ADH5: variants seen among roughly 807,000 people sequenced by gnomAD.
The protein encoded by ADH5 is alcohol dehydrogenase 5 (class III), chi polypeptide.
In ADH5, 32 loss-of-function variants were observed where a neutral mutation model predicts 40.3. That is an observed-to-expected ratio of 0.79 (90% CI 0.60 to 1.07). ADH5 has a LOEUF of 1.07. ADH5 is among the 50% of genes least tolerant of loss of function. The probability of loss-of-function intolerance (pLI) is 0.00; values close to 1 mark genes in which losing one functional copy is unlikely to be tolerated. For missense variants in ADH5, 353 were observed against 460.5 expected (o/e 0.77, Z 2.14); for synonymous variants, 125 against 154.3 (o/e 0.81, Z 1.41).
At chr4:99,083,415 C>A (rs1728065808) in intron 2 of ADH5, among the ~76,000 whole-genome samples, 1 of 151,748 alleles carries the variant, frequency 6.6e-6, no homozygotes, top group South Asian at 2.1e-4. Flanking sequence ...GCCTGGCCAA[C>A]AGGGTGAAAC....
At position 99,076,926 on chromosome 4, in the gene ADH5, A is replaced by G. The variant is rs1489412301; in HGVS notation, c.345-3T>C. 8 of 1,594,978 alleles carry G rather than the reference A, an allele frequency of 5.0e-6. No individual in the cohort carries two copies. Among genetic ancestry groups the G allele is most frequent in the Non-Finnish European group, 6.8e-6 (8 of 1,172,296 alleles). On this transcript the variant is annotated splice_polypyrimidine_tract_variant and splice_region_variant and intron_variant, in intron 4 of 8. Transcript: ENST00000296412. The stretch of plus-strand genomic sequence containing the variant: ...TTAATCCTTTCCCTTGAGTGACTCT[A>G]AAGAAAAAAAAAGGAAAAAGGCAAG...
In ADH5 at chr4:99,085,068, A is replaced by C. The variant is rs1202955573; in HGVS notation, c.114+47T>G. 3.1e-6 allele frequency: 3 copies of C among 972,894 alleles called. No individual in the cohort carries two copies. The South Asian group carries it at 6.8e-5, about 22-fold the overall frequency. 60.3% of individuals were successfully genotyped at this position (972,894 alleles called of 1,614,324 possible). Reference sequence around the variant, plus strand: ...CTCAGATCTACTCATCTATCCAGAGACCTCATTGTGTCTCTTTTTTTCCCA... The same window carrying C: ...CTCAGATCTACTCATCTATCCAGAGCCCTCATTGTGTCTCTTTTTTTCCCA... On this transcript the variant is annotated intron_variant, in intron 2 of 8. Transcript: ENST00000296412.
At chr4:99,076,623 T>C (rs1727937109) in intron 5 of ADH5, 71 bp from the exon 6 acceptor site, 8 of 1,593,578 alleles carry the variant, frequency 5.0e-6, no homozygotes, top group South Asian at 4.5e-5. Context: ...TTCATACAGA[T>C]TGGCCAATTT....
intron 1 of ADH5, among the ~76,000 whole-genome samples, chr4:99,088,113 C>A (rs1728183500): frequency 6.6e-6 from 1 of 152,138 alleles, no homozygotes; most frequent in Non-Finnish European, 1.5e-5. Context: ...TAACACCTCG[C>A]AGAGGTGTTT....
In ADH5 at chr4:99,077,262, C is replaced by A. The variant is rs775417502; in HGVS notation, c.345-339G>T. ...GGTGGGCCAGGTGCAGTGGCTCACT[C>A]CTATAATCCCAGTACTTTGGAAAGT... On this transcript the variant is annotated intron_variant, in intron 4 of 8. Coordinates refer to ENST00000296412, the MANE Select transcript of ADH5 (RefSeq NM_000671.4). 7.2e-5 allele frequency among the ~76,000 whole-genome samples: 11 copies of A among 152,264 alleles called. No individual in the cohort carries two copies. In the South Asian group the frequency reaches 1.9e-3, roughly 26 times the overall value.
chr4:99,076,679 C>CA (rs759377479), intron 5 of ADH5, 25 bp downstream of exon 5: 7 of 1,605,992 alleles, frequency 4.4e-6, no homozygotes. Context: ...AAGGCAGAAG[C>CA]AAAAAACCCA....
rs371357713 is a variant in ADH5 at position 99,076,448 on chromosome 4, G to A, written c.669C>T (p.Asp223=). Residue 223 remains aspartate (D), a synonymous_variant, in exon 6 of 9, where the codon GAC becomes GAT. Coordinates refer to ENST00000296412, the MANE Select transcript of ADH5 (RefSeq NM_000671.4). ...CCCTTGCAAATTTATCTTTATTGAT[G>A]TCCACACCAATGATCCGGGAAGCAC... ...VAGASRIIGV[D]INKDKFARAK... 6.2e-7 allele frequency: 1 copy of A among 1,614,148 alleles called. No individual in the cohort carries two copies. Among genetic ancestry groups the A allele is most frequent in the Non-Finnish European group, 8.5e-7 (1 of 1,180,034 alleles).
intron 4 of ADH5, among the ~76,000 whole-genome samples, chr4:99,078,233 C>T (rs1033898210): frequency 6.6e-6 from 1 of 151,908 alleles, no homozygotes; most frequent in African/African-American, 2.4e-5. Flanking sequence ...ACTATGTTGC[C>T]CAGGCTGAAC....
At chr4:99,076,648 A>G (rs1197305717) in intron 5 of ADH5, 56 bp downstream of exon 5, 13 of 1,597,124 alleles carry the variant, frequency 8.1e-6, no homozygotes, top group Non-Finnish European at 1.1e-5. Flanking sequence ...ATTCCAGGAA[A>G]GTTTCACTGA....
chr4:99,083,667 T>TCA (rs1212976013), intron 2 of ADH5, among the ~76,000 whole-genome samples: 1 of 148,210 alleles, frequency 6.7e-6, no homozygotes, highest in African/African-American at 2.5e-5. Flanking sequence ...CTCCACCTGG[T>TCA]ATTTGTGATC....
At position 99,088,771 on chromosome 4, in the gene ADH5, T is replaced by A; in HGVS notation, c.-71A>T. The A allele has an allele frequency of 1.2e-6, 1 of 869,116 alleles. No individual in the cohort carries two copies. The highest frequency in any genetic ancestry group is 2.1e-5 in the South Asian group (1 of 48,590). The allele number at this position is 869,116 out of a possible 1,614,324, so 53.8% of individuals were successfully genotyped here. On this transcript the variant is annotated 5_prime_UTR_variant, in exon 1 of 9. Transcript: ENST00000296412. Reference sequence around the variant, plus strand: ...CCGCGCAGCGACGGAGGCATGGGCGTGGCGAGCGCCTAGCGAGGGGGGCGG... The same window carrying A: ...CCGCGCAGCGACGGAGGCATGGGCGAGGCGAGCGCCTAGCGAGGGGGGCGG...
intron 7 of ADH5, 108 bp from the exon 8 acceptor site, chr4:99,072,819 A>C: frequency 9.9e-7 from 1 of 1,011,670 alleles, no homozygotes; most frequent in Non-Finnish European, 1.5e-6. Context: ...TGAGTTAAAG[A>C]GTAATGAGAA....
chr4:99,077,051 A>G (rs1727945038), intron 4 of ADH5, 128 bp from the exon 5 acceptor site: 1 of 686,618 alleles, frequency 1.5e-6, no homozygotes, highest in South Asian at 2.0e-5. Flanking sequence ...TTTCAAATAT[A>G]TTCATTAGTA....
chr4:99,074,366 T>G (rs1182270322), intron 7 of ADH5, among the ~76,000 whole-genome samples: 1 of 152,160 alleles, frequency 6.6e-6, no homozygotes, highest in African/African-American at 2.4e-5. Context: ...CAAGGACTTT[T>G]TAGGATCACA....
intron 6 of ADH5, 135 bp downstream of exon 6, chr4:99,076,157 A>G (rs1727924248): frequency 4.9e-6 from 4 of 817,694 alleles, no homozygotes; most frequent in Non-Finnish European, 7.6e-6. Flanking sequence ...TCAAATAGAT[A>G]TTTTCCCCTT....
At chr4:99,085,679 T>C in intron 1 of ADH5, 1 of 221,448 alleles carries the variant, frequency 4.5e-6, no homozygotes. Context: ...TGAGGAGCTA[T>C]ATCCCTTGTA....
In ADH5 at chr4:99,076,604, T is replaced by G; in HGVS notation, c.565-52A>C. On this transcript the variant is annotated intron_variant, in intron 5 of 8. Coordinates refer to ENST00000296412, the MANE Select transcript of ADH5 (RefSeq NM_000671.4). The stretch of plus-strand genomic sequence containing the variant: ...ACTCATTCTACCAGAGTCAAGAGAA[T>G]CACTGGGTTTCATACAGATTGGCCA... 5 of 1,594,370 alleles carry G rather than the reference T, an allele frequency of 3.1e-6. No individual in the cohort carries two copies. The South Asian group carries it at 5.7e-5, about 18-fold the overall frequency.
intron 4 of ADH5, among the ~76,000 whole-genome samples, chr4:99,077,795 A>G (rs1727956927): frequency 1.3e-5 from 2 of 152,248 alleles, no homozygotes. Context: ...AAATGGTAAC[A>G]AAAATTACTT....
At chr4:99,072,800 A>G in intron 7 of ADH5, 89 bp from the exon 8 acceptor site, 1 of 1,263,746 alleles carries the variant, frequency 7.9e-7, no homozygotes, top group African/African-American at 1.5e-5. Flanking sequence ...AAAAGAATGA[A>G]TTTTTTGATG....
Sources: gnomAD v4.1 joint callset for allele counts (sites outside exome capture counted in the v4.1 genomes callset) on GRCh38, gnomAD v4.1.1 for gene constraint, MANE v1.5 for transcripts, NCBI Gene and HGNC (gene_info 2026-07-23, HGNC 2026-07-21) for gene names.